The following ADCY2 variants were observed in gnomAD, a reference collection of about 807,000 sequenced individuals.
ADCY2 encodes adenylate cyclase 2, also known as adenylate cyclase type 2.
ADCY2 carries 31 observed loss-of-function variants against 125.2 expected under a neutral mutation model. The observed-to-expected ratio is 0.25, with a 90% confidence interval of 0.19 to 0.33. The LOEUF is 0.33. Among genes scored for constraint, ADCY2 ranks in the 10% least tolerant of loss-of-function variants. The probability of loss-of-function intolerance (pLI) is 1.00; values close to 1 mark genes in which losing one functional copy is unlikely to be tolerated. For missense variants in ADCY2, 904 were observed against 1,418.2 expected (o/e 0.64, Z 5.82); for synonymous variants, 512 against 548.4 (o/e 0.93, Z 0.93).
chr5:7,676,824 G>A (rs541694365), intron 4 of ADCY2, among the ~76,000 whole-genome samples: 1 of 152,338 alleles, frequency 6.6e-6, no homozygotes, highest in South Asian at 2.1e-4. Context: ...ATGAACAGAA[G>A]AGAAATATAT....
chr5:7,539,485 A>G (rs972383500), intron 3 of ADCY2, among the ~76,000 whole-genome samples: 1 of 152,246 alleles, frequency 6.6e-6, no homozygotes, highest in African/African-American at 2.4e-5. Flanking sequence ...ATTGTTCACT[A>G]AATAATTAGC....
chr5:7,635,701 G>C (rs7725957), intron 4 of ADCY2, among the ~76,000 whole-genome samples: 2 of 152,144 alleles, frequency 1.3e-5, no homozygotes, highest in Admixed American at 6.6e-5. Flanking sequence ...CCCAAGGAGA[G>C]AGTGGGATTA....
intron 22 of ADCY2, among the ~76,000 whole-genome samples, chr5:7,806,427 C>A (rs1744764280): frequency 6.6e-6 from 1 of 152,142 alleles, no homozygotes; most frequent in African/African-American, 2.4e-5. Context: ...TCTGCTTGGC[C>A]TGCCAGGCAG....
At chr5:7,524,538 G>A (rs567223990) in intron 3 of ADCY2, among the ~76,000 whole-genome samples, 2 of 152,308 alleles carry the variant, frequency 1.3e-5, no homozygotes, top group African/African-American at 4.8e-5. Flanking sequence ...ATGGCAATGT[G>A]TTCTCCAGTC....
chr5:7,574,274 C>A (rs1375835527), intron 3 of ADCY2, among the ~76,000 whole-genome samples: 1 of 149,362 alleles, frequency 6.7e-6, no homozygotes, highest in Non-Finnish European at 1.5e-5. Context: ...GGGTATATAC[C>A]CAGTAATGGG....
At chr5:7,757,396 G>A in intron 15 of ADCY2, 53 bp from the exon 16 acceptor site, 1 of 1,591,358 alleles carries the variant, frequency 6.3e-7, no homozygotes, top group South Asian at 1.1e-5. Flanking sequence ...CAAGAAACTG[G>A]AGAGAAGTCA....
intron 2 of ADCY2, among the ~76,000 whole-genome samples, chr5:7,512,812 G>A (rs1010663495): frequency 2.6e-5 from 4 of 152,162 alleles, no homozygotes; most frequent in African/African-American, 7.2e-5. Context: ...GGAAGCCAGA[G>A]TCATTGAAAA....
rs757777978 is a variant in ADCY2, at chr5:7,589,511, A to AAAGAGAAAG, written c.571-36654_571-36653insGAGAAAGAA. Reference sequence around the variant, plus strand: ...GAAAGAAAGAAAGAAAGAAAGAAAGAAAAGAAAAGAAAGAGAAAGAAAGAA... The same window carrying AAAGAGAAAG: ...GAAAGAAAGAAAGAAAGAAAGAAAGAAAGAGAAAGAAAGAAAAGAAAGAGAAAGAAAGAA... On this transcript the variant is annotated intron_variant, in intron 3 of 24. Transcript: ENST00000338316. Among the ~76,000 whole-genome samples the AAAGAGAAAG allele has an allele frequency of 1.2e-4, 13 of 110,368 alleles. 1 individual carries two copies. The highest frequency in any genetic ancestry group is 2.2e-4 in the Non-Finnish European group (11 of 51,066). The allele number at this position is 110,368 out of a possible 152,430, so 72.4% of individuals were successfully genotyped here.
chr5:7,405,716 A>G (rs1739459842), intron 1 of ADCY2, among the ~76,000 whole-genome samples: 1 of 152,228 alleles, frequency 6.6e-6, no homozygotes, highest in African/African-American at 2.4e-5. Context: ...AGAATTACAC[A>G]TGGGCATGAT....
chr5:7,769,911 T>TC (rs1437634663), intron 17 of ADCY2, among the ~76,000 whole-genome samples: 2 of 152,186 alleles, frequency 1.3e-5, no homozygotes, highest in Non-Finnish European at 2.9e-5. Context: ...GTAAGTACAC[T>TC]CCAATAGAAG....
intron 3 of ADCY2, among the ~76,000 whole-genome samples, chr5:7,524,812 T>C (rs1198246108): frequency 6.6e-6 from 1 of 152,220 alleles, no homozygotes; most frequent in Non-Finnish European, 1.5e-5. Context: ...ATGATGGCTC[T>C]GTCCATCCAA....
chr5:7,759,202 C>T (rs1296892602), intron 16 of ADCY2, among the ~76,000 whole-genome samples: 3 of 152,168 alleles, frequency 2.0e-5, no homozygotes, highest in Non-Finnish European at 4.4e-5. Flanking sequence ...AGTTTGGGGA[C>T]AAGTATGCTG....
Position 7,445,933 on chromosome 5 carries a change from A to G in ADCY2, c.408+31163A>G, listed in dbSNP as rs143408028. Among the ~76,000 whole-genome samples the G allele has an allele frequency of 4.1e-3, 627 of 152,146 alleles. 4 individuals are homozygous for G. The highest frequency in any genetic ancestry group is 0.014 in the African/African-American group (599 of 41,512). On this transcript the variant is annotated intron_variant, in intron 2 of 24. Transcript: ENST00000338316. ...TTTATCTGCATATAAAGATTGTTTT[A>G]TGTCTTTTCTCCTTCAATTCTGGTG...
intron 13 of ADCY2, among the ~76,000 whole-genome samples, chr5:7,725,458 A>T (rs1234286282): frequency 1.3e-5 from 2 of 152,150 alleles, no homozygotes; most frequent in African/African-American, 4.8e-5. Context: ...TGGACACACC[A>T]AAAGGTTTTT....
intron 11 of ADCY2, among the ~76,000 whole-genome samples, chr5:7,715,424 A>T (rs1741565010): frequency 6.6e-6 from 1 of 152,184 alleles, no homozygotes; most frequent in Non-Finnish European, 1.5e-5. Context: ...AAGCCATCAA[A>T]TTGAAGTCAA....
rs147581087 is a variant in ADCY2, at chr5:7,575,038, G to A, written c.571-51129G>A. Among the ~76,000 whole-genome samples, 131 of 152,260 alleles carry A rather than the reference G, an allele frequency of 8.6e-4. 1 individual carries two copies. The highest frequency in any genetic ancestry group is 2.9e-3 in the African/African-American group (121 of 41,566). ...CAATTCCATTTGTGTAAACAAAAGTGTCTGTGGCAGGGTGTGGAGACTCAT... is the reference window on the plus strand; with the variant it reads ...CAATTCCATTTGTGTAAACAAAAGTATCTGTGGCAGGGTGTGGAGACTCAT... On this transcript the variant is annotated intron_variant, in intron 3 of 24. Transcript: ENST00000338316.
At chr5:7,520,317 G>A (rs951628510) in intron 2 of ADCY2, among the ~76,000 whole-genome samples, 2 of 152,068 alleles carry the variant, frequency 1.3e-5, no homozygotes, top group Non-Finnish European at 2.9e-5. Context: ...GATGACACCT[G>A]CCCCTCCTCC....
intron 3 of ADCY2, among the ~76,000 whole-genome samples, chr5:7,557,095 T>C (rs775212809): frequency 2.1e-4 from 31 of 146,426 alleles, no homozygotes; most frequent in Non-Finnish European, 4.6e-4. Context: ...ATACAGCTAA[T>C]AAAAGTTATC....
At chr5:7,554,591 T>C (rs1319761834) in intron 3 of ADCY2, among the ~76,000 whole-genome samples, 2 of 152,176 alleles carry the variant, frequency 1.3e-5, no homozygotes, top group African/African-American at 2.4e-5. Context: ...ATTTGATCAT[T>C]TAAGGCCAAA....
Sources: allele counts gnomAD v4.1 joint callset (sites outside exome capture counted in the v4.1 genomes callset), GRCh38; gene constraint gnomAD v4.1.1; transcripts MANE v1.5; gene names NCBI Gene and HGNC (gene_info 2026-07-23, HGNC 2026-07-21).